Variants in ALK observed in about 807,000 individuals in gnomAD.
ALK encodes ALK tyrosine kinase receptor.
ALK carries 74 observed loss-of-function variants against 163.1 expected under a neutral mutation model. The observed-to-expected ratio is 0.45, with a 90% CI of 0.38 to 0.55. The LOEUF (loss-of-function observed/expected upper bound fraction) is 0.55, where lower values mean the gene tolerates loss of function less well. Ranked by LOEUF, ALK falls within the 20% of genes least tolerant of loss-of-function variation. The pLI is 0.00. For missense variants in ALK, 2,063 were observed against 2,105.3 expected (o/e 0.98, Z 0.39); for synonymous variants, 960 against 843.2 (o/e 1.14, Z -2.40).
intron 3 of ALK, among the ~76,000 whole-genome samples, chr2:29,609,254 C>G (rs528595881): frequency 2.6e-5 from 4 of 152,222 alleles, no homozygotes; most frequent in Admixed American, 1.3e-4. Context: ...TGTGCCTTAT[C>G]TGGGTGAATA....
intron 1 of ALK, among the ~76,000 whole-genome samples, chr2:29,737,303 A>AT (rs1415976973): frequency 2.0e-5 from 3 of 152,166 alleles, no homozygotes; most frequent in Admixed American, 6.5e-5. Context: ...TTATATTTGT[A>AT]TTTTTTCATT....
chr2:29,314,025 A>G (rs1433394674), intron 8 of ALK, among the ~76,000 whole-genome samples: 1 of 152,160 alleles, frequency 6.6e-6, no homozygotes, highest in Admixed American at 6.5e-5. Flanking sequence ...AAGCTTCAAT[A>G]AGCCCAATCA....
At chr2:29,284,445 G>A (rs905212026) in intron 9 of ALK, among the ~76,000 whole-genome samples, 3 of 152,154 alleles carry the variant, frequency 2.0e-5, no homozygotes, top group Admixed American at 6.5e-5. Context: ...TACATTTTCC[G>A]AGACATTAAG....
At chr2:29,772,666 G>A (rs1048796278) in intron 1 of ALK, among the ~76,000 whole-genome samples, 3 of 152,198 alleles carry the variant, frequency 2.0e-5, no homozygotes, top group Admixed American at 6.5e-5. Context: ...GTTAAAGGGC[G>A]TCTCGCTGCT....
rs3054024 is a variant in ALK at position 29,296,722 on chromosome 2, A to AGTGTGTGT, written c.1817+158_1817+165dup. On this transcript the variant is annotated intron_variant, in intron 9 of 28. Coordinates refer to ENST00000389048, the MANE Select transcript of ALK (RefSeq NM_004304.5). ...ACTGCAGAAAGTGTGTAACCTGCAGAGTGTGTGTGTGTGTGTGTGCACGTG... is the reference window on the plus strand; with the variant it reads ...ACTGCAGAAAGTGTGTAACCTGCAGAGTGTGTGTGTGTGTGTGTGTGTGTGTGCACGTG... Among the ~76,000 whole-genome samples, 150 of 150,486 alleles carry AGTGTGTGT rather than the reference A, an allele frequency of 1.0e-3. 1 individual carries two copies. The highest frequency in any genetic ancestry group is 3.3e-3 in the African/African-American group (136 of 41,158).
intron 4 of ALK, among the ~76,000 whole-genome samples, chr2:29,393,451 T>A (rs1170506218): frequency 1.3e-5 from 2 of 152,182 alleles, no homozygotes; most frequent in Non-Finnish European, 2.9e-5. Context: ...ATAGGGGTCC[T>A]GCTCCACACC....
chr2:29,692,596 T>G (rs1362162486), intron 3 of ALK, among the ~76,000 whole-genome samples: 2 of 152,228 alleles, frequency 1.3e-5, no homozygotes, highest in African/African-American at 4.8e-5. Flanking sequence ...AGGATTCATG[T>G]TCCTATAAGA....
At chr2:29,850,742 T>G (rs1449610021) in intron 1 of ALK, among the ~76,000 whole-genome samples, 1 of 152,196 alleles carries the variant, frequency 6.6e-6, no homozygotes, top group Non-Finnish European at 1.5e-5. Flanking sequence ...TATTTTGTAG[T>G]ACTTCCCAAG....
intron 3 of ALK, among the ~76,000 whole-genome samples, chr2:29,660,507 C>T (rs766076589): frequency 8.6e-6 from 1 of 115,940 alleles, no homozygotes; most frequent in Admixed American, 8.8e-5. Flanking sequence ...CAGGCCAATG[C>T]CTCACACAAT....
At chr2:29,278,848 C>T (rs1665612342) in intron 9 of ALK, among the ~76,000 whole-genome samples, 1 of 152,192 alleles carries the variant, frequency 6.6e-6, no homozygotes, top group Admixed American at 6.5e-5. Flanking sequence ...TCCACCAGGT[C>T]ATCATCTCCT....
chr2:29,247,139 CT>C (rs1316756034), intron 12 of ALK, among the ~76,000 whole-genome samples: 1 of 151,840 alleles, frequency 6.6e-6, no homozygotes, highest in Non-Finnish European at 1.5e-5. Flanking sequence ...GCGGCAGCGC[CT>C]TTTACCCCGG....
At chr2:29,805,362 G>C (rs1572393776) in intron 1 of ALK, among the ~76,000 whole-genome samples, 1 of 152,070 alleles carries the variant, frequency 6.6e-6, no homozygotes, top group Non-Finnish European at 1.5e-5. Flanking sequence ...ACATAGTGTG[G>C]ACATGTGCAG....
chr2:29,318,720 C>T (rs1258031094), intron 7 of ALK, among the ~76,000 whole-genome samples: 1 of 152,104 alleles, frequency 6.6e-6, no homozygotes, highest in Non-Finnish European at 1.5e-5. Context: ...GCGCCTGCCA[C>T]CACGCCCGGC....
chr2:29,878,320 T>C (rs1666773669), intron 1 of ALK, among the ~76,000 whole-genome samples: 1 of 152,146 alleles, frequency 6.6e-6, no homozygotes, highest in Non-Finnish European at 1.5e-5. Context: ...AGGAGGTTGA[T>C]TGAAAATAAC....
intron 3 of ALK, among the ~76,000 whole-genome samples, chr2:29,542,063 G>A (rs1033348982): frequency 1.3e-5 from 2 of 152,166 alleles, no homozygotes; most frequent in African/African-American, 4.8e-5. Flanking sequence ...ATCACTCTGT[G>A]ACTTTCCTTT....
At chr2:29,293,128 T>A (rs1375538750) in intron 9 of ALK, among the ~76,000 whole-genome samples, 2 of 152,238 alleles carry the variant, frequency 1.3e-5, no homozygotes, top group Non-Finnish European at 1.5e-5. Context: ...GTTCATCTGA[T>A]GGGACACAGG....
intron 3 of ALK, among the ~76,000 whole-genome samples, chr2:29,535,507 A>G (rs948241932): frequency 8.5e-5 from 13 of 152,216 alleles, no homozygotes; most frequent in African/African-American, 3.1e-4. Context: ...CAAATTTAAT[A>G]TGGGCAGAGC....
intron 26 of ALK, among the ~76,000 whole-genome samples, chr2:29,200,504 T>C (rs1451802600): frequency 6.6e-6 from 1 of 152,000 alleles, no homozygotes; most frequent in East Asian, 1.9e-4. Context: ...TTTTTTAGTA[T>C]ATGTATGCTC....
At chr2:29,288,679 G>A (rs775043008) in intron 9 of ALK, among the ~76,000 whole-genome samples, 4 of 152,094 alleles carry the variant, frequency 2.6e-5, no homozygotes, top group Non-Finnish European at 4.4e-5. Context: ...AACTGGGTGC[G>A]GTGGCTCATG....
Sources: allele counts gnomAD v4.1 joint callset (sites outside exome capture counted in the v4.1 genomes callset), GRCh38; gene constraint gnomAD v4.1.1; transcripts MANE v1.5; gene names NCBI Gene and HGNC (gene_info 2026-07-23, HGNC 2026-07-21).